Variants in PSD3 observed in about 807,000 individuals in gnomAD.
PSD3 encodes the protein PH and SEC7 domain-containing protein 3.
In PSD3, 49 loss-of-function variants were observed where a neutral mutation model predicts 105.5. The observed-to-expected ratio is 0.46, with a 90% CI of 0.37 to 0.59. The LOEUF (loss-of-function observed/expected upper bound fraction) is 0.59, where lower values mean the gene tolerates loss of function less well. Ranked by LOEUF, PSD3 falls within the 20% of genes least tolerant of loss-of-function variation. The pLI is 0.00. For synonymous variants in PSD3, 557 were observed against 457.8 expected, an observed-to-expected ratio of 1.22 and a Z score of -2.77; for missense variants, 1,561 against 1,263.8, an observed-to-expected ratio of 1.24 and a Z score of -3.57.
At chr8:18,831,704 A>G (rs1207838184) in intron 4 of PSD3, among the ~76,000 whole-genome samples, 1 of 152,226 alleles carries the variant, frequency 6.6e-6, no homozygotes, top group Non-Finnish European at 1.5e-5. Flanking sequence ...CCTGGGCAAC[A>G]AAGTGAGACT....
chr8:18,863,707 C>T (rs1222433064), intron 4 of PSD3, among the ~76,000 whole-genome samples: 1 of 152,082 alleles, frequency 6.6e-6, no homozygotes, highest in Non-Finnish European at 1.5e-5. Context: ...GAGTGAGCCG[C>T]TTGATGTCAC....
Position 18,834,804 on chromosome 8 carries a change from C to G in PSD3, c.1635-29906G>C, listed in dbSNP as rs140875647. ...CAGTTCTTGTGTCTGGGAGGTCTCA[C>G]TGTTCCTTGCATCCTGTTCTTGGAT... On this transcript the variant is annotated intron_variant, in intron 4 of 15. Coordinates refer to ENST00000327040, the MANE Select transcript of PSD3 (RefSeq NM_015310.4). 1.4e-3 allele frequency among the ~76,000 whole-genome samples: 217 copies of G among 152,294 alleles called. 1 individual carries two copies. The highest frequency in any genetic ancestry group is 5.1e-3 in the African/African-American group (210 of 41,558).
intron 4 of PSD3, among the ~76,000 whole-genome samples, chr8:18,836,770 T>C (rs1384827583): frequency 6.6e-6 from 1 of 152,116 alleles, no homozygotes; most frequent in Non-Finnish European, 1.5e-5. Context: ...ATTGTTTTTC[T>C]GCCTTGTTTA....
intron 12 of PSD3, among the ~76,000 whole-genome samples, chr8:18,589,021 G>A (rs937765234): frequency 2.0e-5 from 3 of 152,136 alleles, no homozygotes; most frequent in South Asian, 2.1e-4. Context: ...ATAAAGAAGT[G>A]ACCCAAGAGA....
chr8:18,819,749 T>C (rs1211154575), intron 4 of PSD3, among the ~76,000 whole-genome samples: 1 of 152,012 alleles, frequency 6.6e-6, no homozygotes, highest in Non-Finnish European at 1.5e-5. Context: ...CAGCTAATTT[T>C]TGTCTGTTTA....
intron 9 of PSD3, among the ~76,000 whole-genome samples, chr8:18,707,774 G>A (rs769609651): frequency 3.9e-5 from 6 of 152,138 alleles, no homozygotes; most frequent in South Asian, 4.1e-4. Context: ...CTTCTTCCCC[G>A]AAGAGTACAG....
At chr8:18,962,940 C>G (rs1824011900) in intron 1 of PSD3, among the ~76,000 whole-genome samples, 1 of 152,202 alleles carries the variant, frequency 6.6e-6, no homozygotes, top group African/African-American at 2.4e-5. Flanking sequence ...TTTCAGCCTA[C>G]ACAACATATG....
chr8:18,996,780 A>G (rs955041574), intron 1 of PSD3, among the ~76,000 whole-genome samples: 4 of 151,846 alleles, frequency 2.6e-5, no homozygotes, highest in African/African-American at 9.7e-5. Context: ...CCGTTTCTCT[A>G]CTTCTGCGCT....
At chr8:18,868,129 C>T in intron 3 of PSD3, 60 bp from the exon 4 acceptor site, 2 of 1,483,738 alleles carry the variant, frequency 1.3e-6, no homozygotes, top group Middle Eastern at 1.8e-4. Flanking sequence ...ATTTCTCCCA[C>T]TTCAACCATA....
chr8:18,697,294 A>C (rs1801315882), intron 9 of PSD3, among the ~76,000 whole-genome samples: 1 of 152,112 alleles, frequency 6.6e-6, no homozygotes, highest in South Asian at 2.1e-4. Context: ...AGAGGGTAGG[A>C]AACAACGGGC....
At chr8:18,623,156 A>C (rs966309786) in intron 11 of PSD3, among the ~76,000 whole-genome samples, 2 of 152,042 alleles carry the variant, frequency 1.3e-5, no homozygotes, top group African/African-American at 4.8e-5. Context: ...AAATGCTGGG[A>C]TTACAGGCGT....
chr8:18,771,003 AG>A (rs1302620833), intron 8 of PSD3, among the ~76,000 whole-genome samples: 2 of 152,178 alleles, frequency 1.3e-5, no homozygotes, highest in East Asian at 3.8e-4. Flanking sequence ...ATGCCACTGA[AG>A]TTTGGCTGTC....
At chr8:18,701,521 G>C (rs560297006) in intron 9 of PSD3, among the ~76,000 whole-genome samples, 99 of 152,242 alleles carry the variant, frequency 6.5e-4, no homozygotes, top group African/African-American at 2.2e-3. Flanking sequence ...TTTATCAATA[G>C]GGTAAGCTGA....
upstream of PSD3, among the ~76,000 whole-genome samples, chr8:19,018,657 G>A (rs1165797558): frequency 1.3e-5 from 2 of 152,232 alleles, no homozygotes; most frequent in Admixed American, 1.3e-4. Flanking sequence ...GGTAGAGGTG[G>A]AGAGCCACTT....
intron 11 of PSD3, among the ~76,000 whole-genome samples, chr8:18,610,483 G>C (rs762879376): frequency 6.6e-6 from 1 of 152,116 alleles, no homozygotes; most frequent in East Asian, 1.9e-4. Context: ...CTATAAATTT[G>C]TTCTGACCAC....
At chr8:18,735,980 CTAGA>C (rs1804122229) in intron 9 of PSD3, among the ~76,000 whole-genome samples, 2 of 152,108 alleles carry the variant, frequency 1.3e-5, no homozygotes, top group Non-Finnish European at 1.5e-5. Flanking sequence ...ATAAATCTAA[CTAGA>C]TATATCTAAC....
chr8:18,718,939 A>T (rs1442600724), intron 9 of PSD3, among the ~76,000 whole-genome samples: 1 of 152,228 alleles, frequency 6.6e-6, no homozygotes, highest in Non-Finnish European at 1.5e-5. Context: ...ACAGACCTTC[A>T]GTCTCCACTT....
chr8:18,610,869 T>C (rs1805213333), intron 11 of PSD3, among the ~76,000 whole-genome samples: 1 of 152,202 alleles, frequency 6.6e-6, no homozygotes, highest in Non-Finnish European at 1.5e-5. Flanking sequence ...ACTTAGATTT[T>C]ATTCACACCA....
At chr8:18,779,251 T>C (rs1585952635) in intron 8 of PSD3, among the ~76,000 whole-genome samples, 1 of 152,208 alleles carries the variant, frequency 6.6e-6, no homozygotes, top group Non-Finnish European at 1.5e-5. Flanking sequence ...TTGTTCACGA[T>C]AGTCTCTAAC....
Sources: gnomAD v4.1 joint callset for allele counts (sites outside exome capture counted in the v4.1 genomes callset) on GRCh38, gnomAD v4.1.1 for gene constraint, MANE v1.5 for transcripts, NCBI Gene and HGNC (gene_info 2026-07-23, HGNC 2026-07-21) for gene names.